VPS53: variants seen among roughly 807,000 people sequenced by gnomAD.
VPS53 encodes vacuolar protein sorting-associated protein 53 homolog.
VPS53 carries 70 observed loss-of-function variants against 107.0 expected under a neutral mutation model. That is an observed-to-expected ratio of 0.65 (90% confidence interval 0.54 to 0.80). VPS53 has a LOEUF of 0.80. VPS53 is among the 30% of genes least tolerant of loss of function. The pLI is 0.00. For synonymous variants in VPS53, 409 were observed against 393.3 expected (o/e 1.04, Z -0.47); for missense variants, 917 against 1,049.4 (o/e 0.87, Z 1.74).
intron 5 of VPS53, among the ~76,000 whole-genome samples, chr17:660,060 A>C (rs1008226479): frequency 4.6e-5 from 7 of 152,242 alleles, no homozygotes; most frequent in African/African-American, 1.4e-4. Context: ...CCTGTGAGAC[A>C]GAATGCCCAT....
At chr17:549,847 T>G (rs974659543) in intron 17 of VPS53, among the ~76,000 whole-genome samples, 1 of 152,246 alleles carries the variant, frequency 6.6e-6, no homozygotes, top group Non-Finnish European at 1.5e-5. Context: ...AGCACCGGAC[T>G]GCTGAAAAGA....
chr17:550,516 A>G (rs1759161518), intron 17 of VPS53, among the ~76,000 whole-genome samples: 1 of 152,242 alleles, frequency 6.6e-6, no homozygotes, highest in Non-Finnish European at 1.5e-5. Context: ...CTGTATTCCA[A>G]TAAAACTTTA....
intron 5 of VPS53, among the ~76,000 whole-genome samples, chr17:657,924 T>G (rs112581276): frequency 5.3e-3 from 612 of 114,536 alleles, no homozygotes; most frequent in Middle Eastern, 0.027. Flanking sequence ...CCGTGAGTTC[T>G]TGGATAGATA....
At chr17:619,421 A>G (rs1403940372) in intron 11 of VPS53, among the ~76,000 whole-genome samples, 5 of 139,282 alleles carry the variant, frequency 3.6e-5, no homozygotes, top group African/African-American at 1.1e-4. Context: ...ACAGGCGTGC[A>G]CCACCACACC....
At chr17:543,719 G>A (rs1910884931) in intron 17 of VPS53, among the ~76,000 whole-genome samples, 1 of 149,336 alleles carries the variant, frequency 6.7e-6, no homozygotes, top group Non-Finnish European at 1.5e-5. Flanking sequence ...AGAATCAGGA[G>A]AACTAGTTTT....
chr17:549,652 AG>A (rs1245133774), intron 17 of VPS53, among the ~76,000 whole-genome samples: 1 of 152,100 alleles, frequency 6.6e-6, no homozygotes, highest in Non-Finnish European at 1.5e-5. Context: ...TCCGATCTGA[AG>A]TGTGTGGCAG....
chr17:543,390 C>T (rs1182948319), intron 17 of VPS53, among the ~76,000 whole-genome samples: 1 of 152,120 alleles, frequency 6.6e-6, no homozygotes, highest in East Asian at 1.9e-4. Flanking sequence ...AAATTATGTG[C>T]CAGACGGTAA....
At chr17:580,590 T>C (rs930084816) in intron 13 of VPS53, among the ~76,000 whole-genome samples, 1 of 147,342 alleles carries the variant, frequency 6.8e-6, no homozygotes, top group African/African-American at 2.5e-5. Flanking sequence ...CAGGACCTAA[T>C]GTGTTCCCAG....
intron 11 of VPS53, among the ~76,000 whole-genome samples, chr17:615,613 G>A (rs747577362): frequency 7.9e-5 from 12 of 152,222 alleles, no homozygotes; most frequent in Non-Finnish European, 1.3e-4. Flanking sequence ...GCACCTTTCT[G>A]AGGAATTCAG....
At chr17:587,843 A>G (rs1967401864) in intron 12 of VPS53, among the ~76,000 whole-genome samples, 1 of 152,166 alleles carries the variant, frequency 6.6e-6, no homozygotes, top group Non-Finnish European at 1.5e-5. Context: ...ATTTTTTAAA[A>G]ACCCACTTTA....
chr17:549,437 G>A (rs200541934), intron 17 of VPS53, among the ~76,000 whole-genome samples: 15 of 152,250 alleles, frequency 9.9e-5, no homozygotes, highest in South Asian at 4.1e-4. Context: ...CTGGAGGCAC[G>A]GTCTCTGTTC....
intron 17 of VPS53, chr17:538,309 C>A (rs765875885): frequency 1.3e-5 from 2 of 152,492 alleles, no homozygotes; most frequent in Non-Finnish European, 2.9e-5. Flanking sequence ...GCTGAGTCAG[C>A]CTTTCACAGT....
At chr17:642,342 C>A (rs2143331927) in intron 7 of VPS53, among the ~76,000 whole-genome samples, 2 of 152,098 alleles carry the variant, frequency 1.3e-5, no homozygotes, top group Middle Eastern at 6.8e-3. Flanking sequence ...AACACTCATA[C>A]TTGGAAAGCG....
intron 12 of VPS53, among the ~76,000 whole-genome samples, chr17:594,361 G>A (rs1967841534): frequency 6.6e-6 from 1 of 152,244 alleles, no homozygotes; most frequent in African/African-American, 2.4e-5. Flanking sequence ...AACACCGCAT[G>A]GGCTGGAGGG....
intron 16 of VPS53, chr17:552,432 C>T (rs1207493718): frequency 1.1e-5 from 1 of 92,896 alleles, no homozygotes; most frequent in Non-Finnish European, 1.9e-5. Flanking sequence ...TGAGGCCTGG[C>T]CCATGCCTGT....
At chr17:545,377 T>A (rs531502704) in intron 17 of VPS53, among the ~76,000 whole-genome samples, 3 of 152,180 alleles carry the variant, frequency 2.0e-5, no homozygotes, top group Non-Finnish European at 2.9e-5. Flanking sequence ...GGCTCCAGGA[T>A]GCCACCTGCT....
intron 12 of VPS53, chr17:600,941 C>G (rs547859522): frequency 1.3e-5 from 2 of 152,392 alleles, no homozygotes; most frequent in African/African-American, 4.8e-5. Context: ...CATTTCAGAA[C>G]TGCTCCTGGA....
intron 4 of VPS53, among the ~76,000 whole-genome samples, chr17:677,316 G>A (rs1371291530): frequency 6.6e-6 from 1 of 152,164 alleles, no homozygotes; most frequent in African/African-American, 2.4e-5. Context: ...GATGAATCCT[G>A]AAGACCACAG....
intron 4 of VPS53, among the ~76,000 whole-genome samples, chr17:696,719 A>T (rs1175502376): frequency 6.6e-6 from 1 of 151,816 alleles, no homozygotes; most frequent in African/African-American, 2.4e-5. Context: ...CAGCCTCCTT[A>T]ACTAGATCCA....
Sources: gnomAD v4.1 joint callset for allele counts (sites outside exome capture counted in the v4.1 genomes callset) on GRCh38, gnomAD v4.1.1 for gene constraint, MANE v1.5 for transcripts, NCBI Gene and HGNC (gene_info 2026-07-23, HGNC 2026-07-21) for gene names.